The following ANK2 variants were observed in gnomAD, a reference collection of about 807,000 sequenced individuals.
The protein encoded by ANK2 is ankyrin 2, also known as ankyrin-2.
A neutral mutation model predicts 360.5 loss-of-function variants in ANK2; 83 were observed. The ratio of observed to expected loss-of-function variants is 0.23; its 90% CI spans 0.19 to 0.28. The LOEUF (loss-of-function observed/expected upper bound fraction) is 0.28, where lower values mean the gene tolerates loss of function less well. Among genes scored for constraint, ANK2 ranks in the 10% least tolerant of loss-of-function variants. The pLI is 1.00. For synonymous variants in ANK2, 1,740 were observed against 1,759.5 expected (o/e 0.99, Z 0.28); for missense variants, 4,201 against 4,795.7 (o/e 0.88, Z 3.66).
At chr4:113,115,313 A>C (rs1019980077) in intron 1 of ANK2, among the ~76,000 whole-genome samples, 9 of 152,202 alleles carry the variant, frequency 5.9e-5, no homozygotes, top group Admixed American at 2.6e-4. Flanking sequence ...GATACTAATG[A>C]AGCTGATTTG....
intron 2 of ANK2, among the ~76,000 whole-genome samples, chr4:112,943,455 T>C (rs571005794): frequency 7.9e-5 from 12 of 152,106 alleles, no homozygotes; most frequent in African/African-American, 2.9e-4. Context: ...GGTTGGAGAA[T>C]CAGATTCCTG....
intron 9 of ANK2, among the ~76,000 whole-genome samples, chr4:113,242,795 T>C (rs2040701268): frequency 2.0e-5 from 3 of 152,144 alleles, no homozygotes; most frequent in African/African-American, 7.2e-5. Flanking sequence ...AAGTTTGCAG[T>C]ACACCCCAAA....
intron 1 of ANK2, among the ~76,000 whole-genome samples, chr4:112,848,866 C>T (rs913252617): frequency 2.0e-5 from 3 of 152,224 alleles, no homozygotes; most frequent in South Asian, 4.1e-4. Context: ...TTTGACTTAC[C>T]TTCCCCAAAA....
chr4:112,786,635 C>G, the ANK2 span, among the ~76,000 whole-genome samples: 1 of 151,892 alleles, frequency 6.6e-6, no homozygotes, highest in East Asian at 1.9e-4. Context: ...GACCTCCTGC[C>G]CACCTCAGCC....
At chr4:112,810,149 ATATATATATATTTTTTTT>A in the ANK2 span, among the ~76,000 whole-genome samples, 847 of 30,268 alleles carry the variant, frequency 0.028, 12 homozygotes, top group East Asian at 0.097. Flanking sequence ...ATATATATAT[ATATATATATATTTTTTTT>A]TTTTTTTTTT....
chr4:113,258,539 G>C, intron 13 of ANK2, 128 bp downstream of exon 13: 1 of 849,604 alleles, frequency 1.2e-6, no homozygotes, highest in Non-Finnish European at 2.0e-6. Flanking sequence ...AAGGGCCCTT[G>C]TAATAACACA....
intron 1 of ANK2, among the ~76,000 whole-genome samples, chr4:113,139,929 C>A (rs1431321138): frequency 6.6e-6 from 1 of 152,176 alleles, no homozygotes; most frequent in Non-Finnish European, 1.5e-5. Context: ...TTTGATTAAT[C>A]TGTGTAAAGC....
At chr4:112,838,363 C>T (rs2061420891) in intron 1 of ANK2, among the ~76,000 whole-genome samples, 1 of 152,196 alleles carries the variant, frequency 6.6e-6, no homozygotes, top group Admixed American at 6.5e-5. Context: ...AGTATCTTTA[C>T]AGCAGTGTGA....
rs1300939911 is a variant in ANK2, at chr4:113,354,159, A to G, written c.5541A>G (p.Pro1847=). Residue 1847 remains proline, a synonymous_variant, in exon 38 of 46, where the codon CCA becomes CCG. Transcript: ENST00000357077. ...CTGAAAGGCACCCTCCAGTATCACC[A>G]TCAAGTAAAACTGAGAAACACTCAC... ...AKTERHPPVS[P]SSKTEKHSPV... 3.1e-6 allele frequency: 5 copies of G among 1,614,124 alleles called. No homozygotes were observed. Among genetic ancestry groups the G allele is most frequent in the Non-Finnish European group, 4.2e-6 (5 of 1,179,984 alleles).
At chr4:112,725,298 A>C in the ANK2 span, among the ~76,000 whole-genome samples, 42 of 150,176 alleles carry the variant, frequency 2.8e-4, 1 homozygote, top group South Asian at 4.2e-4. Flanking sequence ...AAAAAAAAAA[A>C]AAAACAGGAA....
chr4:112,761,490 C>T, the ANK2 span, among the ~76,000 whole-genome samples: 2 of 152,076 alleles, frequency 1.3e-5, no homozygotes, highest in African/African-American at 4.8e-5. Flanking sequence ...TGTGGTGGCA[C>T]GCGCCTGCAG....
intron 21 of ANK2, 102 bp downstream of exon 21, chr4:113,292,616 A>T: frequency 8.0e-7 from 1 of 1,247,380 alleles, no homozygotes; most frequent in Non-Finnish European, 1.1e-6. Context: ...CCTCCTCTTT[A>T]AATAAGCCCC....
chr4:112,747,453 G>C, the ANK2 span, among the ~76,000 whole-genome samples: 1 of 152,198 alleles, frequency 6.6e-6, no homozygotes, highest in African/African-American at 2.4e-5. Context: ...TGTGAAAATT[G>C]GTGGTTTATG....
intron 26 of ANK2, among the ~76,000 whole-genome samples, chr4:113,326,469 TTAGAG>T (rs149190504): frequency 0.016 from 2,482 of 152,324 alleles, 56 homozygotes; most frequent in African/African-American, 0.052. Context: ...TCTAATTTGT[TTAGAG>T]TATTTTCTTG....
intron 32 of ANK2, among the ~76,000 whole-genome samples, chr4:113,339,910 C>T (rs914176978): frequency 1.3e-5 from 2 of 152,144 alleles, no homozygotes; most frequent in Non-Finnish European, 2.9e-5. Flanking sequence ...AACTTTGTGA[C>T]TTAAGTAGGG....
chr4:112,762,651 A>C, the ANK2 span, among the ~76,000 whole-genome samples: 1 of 152,178 alleles, frequency 6.6e-6, no homozygotes, highest in Non-Finnish European at 1.5e-5. Flanking sequence ...CTGGGACTAC[A>C]GGCCTGCGCC....
chr4:113,378,991 T>C (rs990862119), intron 45 of ANK2, among the ~76,000 whole-genome samples: 1 of 152,114 alleles, frequency 6.6e-6, no homozygotes, highest in Admixed American at 6.6e-5. Context: ...GGGAGAAAGA[T>C]TGTCATTCAG....
At chr4:112,874,642 C>CAAAAA (rs1160396405) in intron 1 of ANK2, among the ~76,000 whole-genome samples, 1 of 79,592 alleles carries the variant, frequency 1.3e-5, no homozygotes, top group Admixed American at 1.4e-4. Context: ...GACGCCATCT[C>CAAAAA]AAAAAAAAAA....
chr4:112,964,573 CTT>C (rs1434179621), intron 2 of ANK2, among the ~76,000 whole-genome samples: 16 of 138,692 alleles, frequency 1.2e-4, no homozygotes, highest in Admixed American at 2.9e-4. Flanking sequence ...TTTCTTTTTT[CTT>C]TTTTTTTTTT....
Sources: gnomAD v4.1 joint callset for allele counts (sites outside exome capture counted in the v4.1 genomes callset) on GRCh38, gnomAD v4.1.1 for gene constraint, MANE v1.5 for transcripts, NCBI Gene and HGNC (gene_info 2026-07-23, HGNC 2026-07-21) for gene names.